CTNND2: variants seen among roughly 807,000 people sequenced by gnomAD.
The protein encoded by CTNND2 is catenin delta-2.
CTNND2 carries 22 observed loss-of-function variants against 144.4 expected under a neutral mutation model. That is an observed-to-expected ratio of 0.15 (90% CI 0.11 to 0.22). The LOEUF is 0.22. Ranked by LOEUF, CTNND2 falls within the 10% of genes least tolerant of loss-of-function variation. The probability of loss-of-function intolerance (pLI) is 1.00; values close to 1 mark genes in which losing one functional copy is unlikely to be tolerated. For synonymous variants in CTNND2, 751 were observed against 695.6 expected (o/e 1.08, Z -1.25); for missense variants, 1,353 against 1,618.8 (o/e 0.84, Z 2.82).
At chr5:11,737,873 C>T (rs1490469163) in intron 1 of CTNND2, among the ~76,000 whole-genome samples, 1 of 152,158 alleles carries the variant, frequency 6.6e-6, no homozygotes, top group African/African-American at 2.4e-5. Flanking sequence ...TACTGTTGAC[C>T]AGCGGGGAAG....
At chr5:11,510,877 G>C (rs1011541434) in intron 3 of CTNND2, among the ~76,000 whole-genome samples, 3 of 151,710 alleles carry the variant, frequency 2.0e-5, no homozygotes, top group Admixed American at 1.3e-4. Flanking sequence ...GTTGCAGTGA[G>C]CCGAGATTGA....
intron 2 of CTNND2, among the ~76,000 whole-genome samples, chr5:11,657,405 T>C (rs896468336): frequency 8.5e-5 from 13 of 152,126 alleles, no homozygotes; most frequent in African/African-American, 2.9e-4. Flanking sequence ...GCTAACATCT[T>C]TGTATTTAGC....
At chr5:11,476,526 C>T (rs1441642140) in intron 3 of CTNND2, among the ~76,000 whole-genome samples, 1 of 152,116 alleles carries the variant, frequency 6.6e-6, no homozygotes, top group Non-Finnish European at 1.5e-5. Context: ...ATTCATATCA[C>T]CTTTACATAT....
rs1042490656 is a variant in CTNND2 at position 11,249,861 on chromosome 5, A to C, written c.1629-13038T>G. Among the ~76,000 whole-genome samples the C allele has an allele frequency of 3.9e-5, 6 of 152,018 alleles. No individual in the cohort carries two copies. The East Asian group carries it at 1.2e-3, about 29-fold the overall frequency. ...ATTAGTGTCCATGTCAAAAAAAAAA[A>C]CCAAAACACACTCATCTATGTGTAT... is the stretch of plus-strand genomic sequence containing the variant. On this transcript the variant is annotated intron_variant, in intron 9 of 21. Coordinates refer to ENST00000304623, the MANE Select transcript of CTNND2 (RefSeq NM_001332.4).
intron 2 of CTNND2, among the ~76,000 whole-genome samples, chr5:11,620,414 G>A (rs988388827): frequency 6.6e-5 from 10 of 152,124 alleles, no homozygotes; most frequent in African/African-American, 1.4e-4. Context: ...CCAGGACAGC[G>A]CCTACAGCCC....
chr5:11,647,939 C>A (rs377016421), intron 2 of CTNND2, among the ~76,000 whole-genome samples: 3 of 152,210 alleles, frequency 2.0e-5, no homozygotes, highest in Admixed American at 1.3e-4. Flanking sequence ...CGGACAGAGT[C>A]ACGGACAGAC....
intron 1 of CTNND2, among the ~76,000 whole-genome samples, chr5:11,847,404 C>T (rs958727661): frequency 6.6e-6 from 1 of 151,828 alleles, no homozygotes; most frequent in African/African-American, 2.4e-5. Context: ...ATGGCGTCAT[C>T]TCACTCATTT....
intron 3 of CTNND2, among the ~76,000 whole-genome samples, chr5:11,446,795 T>C (rs1434829683): frequency 6.6e-6 from 1 of 152,130 alleles, no homozygotes; most frequent in Non-Finnish European, 1.5e-5. Context: ...AGTGGCAGGC[T>C]AGGAGACAGC....
At chr5:11,532,575 C>T (rs1241780122) in intron 3 of CTNND2, among the ~76,000 whole-genome samples, 1 of 152,124 alleles carries the variant, frequency 6.6e-6, no homozygotes, top group East Asian at 1.9e-4. Context: ...TCCACCTTGC[C>T]AGGGGCTGAA....
rs10474919 is a variant in CTNND2, at chr5:11,346,209, C to T, written c.1628+163G>A. Among the ~76,000 whole-genome samples, 665 of 152,294 alleles carry T rather than the reference C, an allele frequency of 4.4e-3. 4 individuals are homozygous for T. The highest frequency in any genetic ancestry group is 0.015 in the African/African-American group (642 of 41,570). ...ATGAACCACCAAAGATACTAGGGAT[C>T]CATTGCAAGCACACACATTCCAAGT... is the stretch of plus-strand genomic sequence containing the variant. On this transcript the variant is annotated intron_variant, in intron 9 of 21. Transcript: ENST00000304623.
chr5:11,183,488 C>T (rs1180346003), intron 11 of CTNND2, among the ~76,000 whole-genome samples: 8 of 151,664 alleles, frequency 5.3e-5, no homozygotes, highest in African/African-American at 9.7e-5. Context: ...CTCCAGCTAG[C>T]GGGTACAGAT....
At chr5:11,563,061 T>C (rs1341870251) in intron 3 of CTNND2, among the ~76,000 whole-genome samples, 1 of 152,206 alleles carries the variant, frequency 6.6e-6, no homozygotes, top group Non-Finnish European at 1.5e-5. Context: ...GCTTGCTTAT[T>C]TCATATCCTC....
intron 16 of CTNND2, among the ~76,000 whole-genome samples, chr5:11,057,599 T>C (rs1388279373): frequency 1.3e-5 from 2 of 152,198 alleles, no homozygotes; most frequent in African/African-American, 4.8e-5. Flanking sequence ...TATGTCTTTA[T>C]CAGCAGTGAG....
chr5:11,724,490 A>G (rs950274255), intron 2 of CTNND2, among the ~76,000 whole-genome samples: 6 of 152,194 alleles, frequency 3.9e-5, no homozygotes, highest in East Asian at 3.8e-4. Context: ...TAATTTAATA[A>G]AAGTGGCTGT....
intron 1 of CTNND2, among the ~76,000 whole-genome samples, chr5:11,881,057 C>A (rs982939073): frequency 6.7e-6 from 1 of 149,364 alleles, no homozygotes; most frequent in Non-Finnish European, 1.5e-5. Flanking sequence ...ACTACTACCA[C>A]TACTACTACT....
intron 1 of CTNND2, among the ~76,000 whole-genome samples, chr5:11,809,740 GA>G (rs1228870816): frequency 3.3e-5 from 5 of 152,160 alleles, no homozygotes; most frequent in African/African-American, 9.7e-5. Context: ...TTTAGTAGAG[GA>G]GAACCAAAAA....
At chr5:11,856,632 G>A (rs16898855) in intron 1 of CTNND2, among the ~76,000 whole-genome samples, 1,677 of 152,096 alleles carry the variant, frequency 0.011, 35 homozygotes, top group African/African-American at 0.039. Context: ...GAACTACAGC[G>A]GCAGAATGAA....
At chr5:11,152,824 T>G (rs1303938868) in intron 12 of CTNND2, among the ~76,000 whole-genome samples, 1 of 152,188 alleles carries the variant, frequency 6.6e-6, no homozygotes, top group East Asian at 1.9e-4. Flanking sequence ...CTAGACACAC[T>G]GATCAGGACT....
At chr5:11,858,726 G>A (rs1220224175) in intron 1 of CTNND2, among the ~76,000 whole-genome samples, 1 of 152,156 alleles carries the variant, frequency 6.6e-6, no homozygotes, top group Admixed American at 6.5e-5. Flanking sequence ...TCAGGAGATG[G>A]AGACCATCCT....
Sources: allele counts gnomAD v4.1 joint callset (sites outside exome capture counted in the v4.1 genomes callset), GRCh38; gene constraint gnomAD v4.1.1; transcripts MANE v1.5; gene names NCBI Gene and HGNC (gene_info 2026-07-23, HGNC 2026-07-21).